The following NEK4 variants were observed in gnomAD, a reference collection of about 807,000 sequenced individuals.
The protein encoded by NEK4 is serine/threonine-protein kinase Nek4.
In NEK4, 86 loss-of-function variants were observed where a neutral mutation model predicts 98.4. That is an observed-to-expected ratio of 0.87 (90% CI 0.73 to 1.05). The LOEUF (loss-of-function observed/expected upper bound fraction) is 1.05, where lower values mean the gene tolerates loss of function less well. Ranked by LOEUF, NEK4 falls within the 50% of genes least tolerant of loss-of-function variation. The pLI, the probability that NEK4 is intolerant of heterozygous loss-of-function variation, is 0.00. For synonymous variants in NEK4, 328 were observed against 342.2 expected, an observed-to-expected ratio of 0.96 and a Z score of 0.46; for missense variants, 898 against 950.3, an observed-to-expected ratio of 0.94 and a Z score of 0.72.
intron 12 of NEK4, among the ~76,000 whole-genome samples, chr3:52,741,943 C>T (rs1412883125): frequency 6.6e-6 from 1 of 152,052 alleles, no homozygotes; most frequent in African/African-American, 2.4e-5. Context: ...CAACGCCCAG[C>T]TAATTTTTGT....
At chr3:52,720,355 A>T (rs1044390507) in intron 15 of NEK4, among the ~76,000 whole-genome samples, 9 of 152,124 alleles carry the variant, frequency 5.9e-5, no homozygotes, top group East Asian at 1.9e-4. Flanking sequence ...GAAAAAAAAA[A>T]TTTTAAGAAA....
chr3:52,732,350 C>T (rs1240382269), intron 15 of NEK4, among the ~76,000 whole-genome samples: 10 of 152,138 alleles, frequency 6.6e-5, no homozygotes, highest in African/African-American at 2.2e-4. Flanking sequence ...CCCGCCACTG[C>T]GCCCGGCTAA....
intron 1 of NEK4, 111 bp from the exon 2 acceptor site, chr3:52,768,715 G>T: frequency 1.1e-6 from 1 of 899,862 alleles, no homozygotes; most frequent in Non-Finnish European, 1.7e-6. Flanking sequence ...TGTGGAGCCT[G>T]TCAGATAACC....
chr3:52,711,541 A>C lies in NEK4; in HGVS notation c.*236T>G. On this transcript the variant is annotated 3_prime_UTR_variant, in exon 16 of 16. Coordinates refer to ENST00000233027, the MANE Select transcript of NEK4 (RefSeq NM_003157.6). ...CTCAGTAAACAGTAATCAAACAAAC[A>C]ACAGATTTGTCCTCACAAAGAGAAT... The C allele has an allele frequency of 2.8e-6, 1 of 358,926 alleles. No homozygotes were observed. Among genetic ancestry groups the C allele is most frequent in the Non-Finnish European group, 5.0e-6 (1 of 200,594 alleles). The allele number at this position is 358,926 out of a possible 1,614,324, so 22.2% of individuals were successfully genotyped here.
In NEK4 at chr3:52,751,979, C is replaced by A; in HGVS notation, c.1321G>T (p.Val441Leu). Residue 441 changes from valine to leucine, a missense_variant, in exon 7 of 16, where the codon GTG becomes TTG. Transcript: ENST00000233027. Reference sequence around the variant, plus strand: ...TTGATTAGGGGCTGCAGAGGCTTCACTGGTTCATTCTTTTCCCCAGTGACA... The same window carrying A: ...TTGATTAGGGGCTGCAGAGGCTTCAATGGTTCATTCTTTTCCCCAGTGACA... ...DIVTGEKNEPVKPLQPLIKEQ... is the reference protein window; with the variant it reads ...DIVTGEKNEPLKPLQPLIKEQ... 6.2e-7 allele frequency: 1 copy of A among 1,614,064 alleles called. No homozygotes were observed. The highest frequency in any genetic ancestry group is 8.5e-7 in the Non-Finnish European group (1 of 1,179,990).
chr3:52,745,970 G>T, intron 10 of NEK4, 91 bp downstream of exon 10: 1 of 1,165,554 alleles, frequency 8.6e-7, no homozygotes, highest in Non-Finnish European at 1.3e-6. Flanking sequence ...TGATCCTCTT[G>T]CTTCAGCCTC....
In NEK4 at chr3:52,751,972, G is replaced by C. The variant is rs953093777; in HGVS notation, c.1328C>G (p.Pro443Arg). 5 of 1,614,034 alleles carry C rather than the reference G, an allele frequency of 3.1e-6. No individual in the cohort carries two copies. The highest frequency in any genetic ancestry group is 1.7e-6 in the Non-Finnish European group (2 of 1,180,022). The change falls in exon 7 of 16, where the codon CCT (proline) becomes CGT (arginine). Residue 443 changes from proline (P) to arginine (R), a missense_variant. Transcript: ENST00000233027. ...VTGEKNEPVK[P>R]LQPLIKEQKP... ...TTGTTCTTTGATTAGGGGCTGCAGA[G>C]GCTTCACTGGTTCATTCTTTTCCCC...
At chr3:52,751,166 C>T (rs536869117) in intron 7 of NEK4, among the ~76,000 whole-genome samples, 4 of 151,882 alleles carry the variant, frequency 2.6e-5, no homozygotes, top group Middle Eastern at 3.4e-3. Context: ...CAAAAGTAGC[C>T]GGGCATCGGC....
chr3:52,770,872 G>GCTGTTGA lies in NEK4; in HGVS notation c.-127_-126insTCAACAG. The GCTGTTGA allele has an allele frequency of 1.5e-5, 12 of 808,688 alleles. No individual in the cohort carries two copies. The highest frequency in any genetic ancestry group is 1.4e-4 in the African/African-American group (8 of 57,796). 50.1% of individuals were successfully genotyped at this position (808,688 alleles called of 1,614,324 possible). ...GGCGGCTGTTGAGGCAGCCGGGCCC[G>GCTGTTGA]GGCGGGATTGCTGGGGCCCGGCCCG... On this transcript the variant is annotated 5_prime_UTR_variant, in exon 1 of 16. The change abolishes the stop of an existing upstream ORF in the 5' untranslated region. Coordinates refer to ENST00000233027, the MANE Select transcript of NEK4 (RefSeq NM_003157.6).
intron 8 of NEK4, among the ~76,000 whole-genome samples, chr3:52,747,970 T>C (rs896263474): frequency 6.6e-6 from 1 of 151,470 alleles, no homozygotes; most frequent in African/African-American, 2.4e-5. Context: ...TTTTATTTAA[T>C]TTTTTTTGAG....
rs751340477 is a variant in NEK4 at position 52,763,486 on chromosome 3, A to G, written c.805T>C (p.Leu269=). The change falls in exon 5 of 16, where the codon TTG becomes CTG. Residue 269 remains leucine (L), a synonymous_variant. Coordinates refer to ENST00000233027, the MANE Select transcript of NEK4 (RefSeq NM_003157.6). Reference sequence around the variant, plus strand: ...GTATCTTACATCTTTGTGGCCTCCAAAAAGAAGGAGATTTGCCGCTTTATA... The same window carrying G: ...GTATCTTACATCTTTGTGGCCTCCAGAAAGAAGGAGATTTGCCGCTTTATA... ...PYIKRQISFF[L]EATKIKTSKN... The G allele has an allele frequency of 2.5e-5, 40 of 1,612,992 alleles. No individual in the cohort carries two copies. The highest frequency in any genetic ancestry group is 3.1e-5 in the Non-Finnish European group (37 of 1,179,652).
At chr3:52,729,925 C>G (rs559986849) in intron 15 of NEK4, among the ~76,000 whole-genome samples, 1 of 151,522 alleles carries the variant, frequency 6.6e-6, no homozygotes, top group Admixed American at 6.6e-5. Context: ...CTGGCCAACA[C>G]GGTGAAACCC....
At chr3:52,743,799 AT>A (rs2097390856) in intron 11 of NEK4, among the ~76,000 whole-genome samples, 1 of 152,224 alleles carries the variant, frequency 6.6e-6, no homozygotes, top group Admixed American at 6.5e-5. Flanking sequence ...TCAGCATTCA[AT>A]AAATGGAAAC....
At chr3:52,766,496 A>G in intron 2 of NEK4, 121 bp from the exon 3 acceptor site, 1 of 671,050 alleles carries the variant, frequency 1.5e-6, no homozygotes, top group South Asian at 1.9e-5. Context: ...AGAGTAACCA[A>G]CCATACAATT....
intron 12 of NEK4, among the ~76,000 whole-genome samples, chr3:52,741,767 T>G (rs141652593): frequency 1.3e-4 from 19 of 145,484 alleles, no homozygotes; most frequent in Admixed American, 4.9e-4. Flanking sequence ...ATTTTGTTTG[T>G]TTTTTTTTTG....
chr3:52,754,498 C>A, intron 6 of NEK4: 1 of 863,190 alleles, frequency 1.2e-6, no homozygotes. Context: ...GTCTGTCTGA[C>A]CAATTTAAAA....
At chr3:52,741,309 T>A in intron 13 of NEK4, 102 bp downstream of exon 13, 1 of 617,380 alleles carries the variant, frequency 1.6e-6, no homozygotes, top group South Asian at 2.1e-5. Context: ...TATAATTTTA[T>A]CAGTGGGAAT....
intron 12 of NEK4, 150 bp downstream of exon 12, chr3:52,743,202 T>C: frequency 1.5e-6 from 1 of 651,768 alleles, no homozygotes; most frequent in Non-Finnish European, 2.7e-6. Flanking sequence ...TTGACTATTA[T>C]TTACCAGTTC....
intron 4 of NEK4, among the ~76,000 whole-genome samples, chr3:52,765,472 C>T (rs768391565): frequency 2.0e-5 from 3 of 151,990 alleles, no homozygotes; most frequent in South Asian, 2.1e-4. Flanking sequence ...AGACACAATG[C>T]TTTCTGTGAT....
Sources: gnomAD v4.1 joint callset for allele counts (sites outside exome capture counted in the v4.1 genomes callset) on GRCh38, gnomAD v4.1.1 for gene constraint, MANE v1.5 for transcripts, NCBI Gene and HGNC (gene_info 2026-07-23, HGNC 2026-07-21) for gene names.